DEUP1: variants seen among roughly 807,000 people sequenced by gnomAD.
The protein encoded by DEUP1 is deuterosome assembly protein 1, also known as coiled-coil domain containing 67.
A neutral mutation model predicts 87.4 loss-of-function variants in DEUP1; 82 were observed. The observed-to-expected ratio is 0.94, with a 90% confidence interval of 0.78 to 1.13. The LOEUF (loss-of-function observed/expected upper bound fraction) is 1.13, where lower values mean the gene tolerates loss of function less well. DEUP1 is among the 50% of genes most tolerant of loss of function. The probability of loss-of-function intolerance (pLI) is 0.00; values close to 1 mark genes in which losing one functional copy is unlikely to be tolerated. For missense variants in DEUP1, 663 were observed against 681.5 expected, an observed-to-expected ratio of 0.97 and a Z score of 0.30; for synonymous variants, 214 against 222.7, an observed-to-expected ratio of 0.96 and a Z score of 0.35.
chr11:93,428,137 C>T (rs1947988167), intron 13 of DEUP1, among the ~76,000 whole-genome samples: 1 of 152,100 alleles, frequency 6.6e-6, no homozygotes, highest in Non-Finnish European at 1.5e-5. Context: ...TATAAAGACA[C>T]ATGCACATGT....
At chr11:93,370,241 C>T (rs1945651504) in intron 6 of DEUP1, 55 bp downstream of exon 6, 1 of 917,050 alleles carries the variant, frequency 1.1e-6, no homozygotes. Context: ...ATATTGGTAT[C>T]TTTACCATTC....
intron 2 of DEUP1, among the ~76,000 whole-genome samples, chr11:93,335,851 A>C (rs1180350569): frequency 1.3e-5 from 2 of 152,208 alleles, no homozygotes; most frequent in Non-Finnish European, 2.9e-5. Flanking sequence ...GCAGTGGCTG[A>C]CGCCTGTAAT....
chr11:93,388,561 G>A (rs1946663300), intron 8 of DEUP1, among the ~76,000 whole-genome samples: 1 of 152,090 alleles, frequency 6.6e-6, no homozygotes, highest in African/African-American at 2.4e-5. Context: ...GTACTCTCTG[G>A]TTAGACTGTC....
At chr11:93,416,910 T>C (rs943158899) in intron 13 of DEUP1, among the ~76,000 whole-genome samples, 21 of 152,182 alleles carry the variant, frequency 1.4e-4, no homozygotes, top group African/African-American at 2.2e-4. Flanking sequence ...AGCATACAAA[T>C]GGGACCAAAG....
chr11:93,353,336 G>T (rs143459118), intron 2 of DEUP1, among the ~76,000 whole-genome samples: 2 of 152,160 alleles, frequency 1.3e-5, no homozygotes, highest in Admixed American at 6.5e-5. Flanking sequence ...GGGGAGCTCT[G>T]CCCCTGTGGC....
intron 11 of DEUP1, among the ~76,000 whole-genome samples, chr11:93,403,481 A>G (rs972119846): frequency 5.3e-5 from 8 of 151,920 alleles, no homozygotes; most frequent in African/African-American, 1.7e-4. Flanking sequence ...TACTAAAGGT[A>G]GTAATGTCCT....
intron 7 of DEUP1, among the ~76,000 whole-genome samples, chr11:93,378,064 C>T (rs866561277): frequency 3.8e-4 from 57 of 151,782 alleles, no homozygotes; most frequent in African/African-American, 1.3e-3. Context: ...GACTTTAGAT[C>T]ACCTGACGAC....
At position 93,415,115 on chromosome 11, in the gene DEUP1, G is replaced by C. The variant is rs780023042; in HGVS notation, c.1638+1G>C. Reference sequence around the variant, plus strand: ...TAGTGATGATGATGTATTCCCACTGGTGAGTTGCTGGTTGTGGGCTTTTTT... The same window carrying C: ...TAGTGATGATGATGTATTCCCACTGCTGAGTTGCTGGTTGTGGGCTTTTTT... On this transcript the variant is annotated splice_donor_variant, in intron 13 of 13. Transcript: ENST00000298050. LOFTEE classifies it high-confidence loss of function. 1.3e-6 allele frequency: 2 copies of C among 1,591,654 alleles called. No homozygotes were observed. Among genetic ancestry groups the C allele is most frequent in the Non-Finnish European group, 8.6e-7 (1 of 1,161,630 alleles).
intron 11 of DEUP1, among the ~76,000 whole-genome samples, chr11:93,403,372 G>A (rs1235573494): frequency 6.6e-6 from 1 of 151,696 alleles, no homozygotes; most frequent in East Asian, 1.9e-4. Flanking sequence ...TAGAGTACTT[G>A]GTATATCCAA....
intron 2 of DEUP1, among the ~76,000 whole-genome samples, chr11:93,341,629 A>T (rs1944084275): frequency 6.6e-6 from 1 of 152,182 alleles, no homozygotes; most frequent in Non-Finnish European, 1.5e-5. Context: ...CTAGGATTAT[A>T]GCAACTGTTA....
intron 7 of DEUP1, among the ~76,000 whole-genome samples, chr11:93,384,650 A>G (rs929981694): frequency 2.6e-5 from 4 of 152,222 alleles, no homozygotes; most frequent in African/African-American, 7.2e-5. Flanking sequence ...GTTGAATCAC[A>G]GTTTATAATT....
At chr11:93,431,944 T>G (rs1056189771) in intron 13 of DEUP1, among the ~76,000 whole-genome samples, 2 of 152,296 alleles carry the variant, frequency 1.3e-5, no homozygotes, top group Admixed American at 1.3e-4. Context: ...GGCATATAAG[T>G]TTAAAATGTT....
At chr11:93,339,491 A>G (rs1215300236) in intron 2 of DEUP1, among the ~76,000 whole-genome samples, 1 of 152,256 alleles carries the variant, frequency 6.6e-6, no homozygotes, top group Non-Finnish European at 1.5e-5. Flanking sequence ...AAATAAAAAG[A>G]TGAATCAACA....
chr11:93,384,747 T>A (rs1273614286), intron 7 of DEUP1, among the ~76,000 whole-genome samples: 1 of 152,240 alleles, frequency 6.6e-6, no homozygotes, highest in East Asian at 1.9e-4. Flanking sequence ...TAAAATTTCA[T>A]GCATTGTACT....
At chr11:93,335,974 G>A (rs1270870166) in intron 2 of DEUP1, among the ~76,000 whole-genome samples, 3 of 152,132 alleles carry the variant, frequency 2.0e-5, no homozygotes, top group Non-Finnish European at 4.4e-5. Context: ...TTAGCCTGGT[G>A]TGGTGGTGCA....
chr11:93,381,991 AT>A (rs1428041708), intron 7 of DEUP1, among the ~76,000 whole-genome samples: 1 of 152,150 alleles, frequency 6.6e-6, no homozygotes, highest in Non-Finnish European at 1.5e-5. Context: ...CTAAGTATTC[AT>A]CTGAAGTACC....
chr11:93,423,702 A>G (rs1947896745), intron 13 of DEUP1, among the ~76,000 whole-genome samples: 1 of 45,772 alleles, frequency 2.2e-5, no homozygotes, highest in Non-Finnish European at 5.0e-5. Flanking sequence ...AAAGCCGCTC[A>G]ACTACATGGA....
chr11:93,398,138 T>A (rs917378900), intron 11 of DEUP1, among the ~76,000 whole-genome samples: 1 of 152,144 alleles, frequency 6.6e-6, no homozygotes. Context: ...TTGGGGATTT[T>A]ATCATCTTTT....
chr11:93,353,076 T>A (rs1192039518), intron 2 of DEUP1, among the ~76,000 whole-genome samples: 1 of 152,106 alleles, frequency 6.6e-6, no homozygotes, highest in Non-Finnish European at 1.5e-5. Context: ...ACAAGGCAAG[T>A]CCCTTCTACC....
Sources: allele counts gnomAD v4.1 joint callset (sites outside exome capture counted in the v4.1 genomes callset), GRCh38; gene constraint gnomAD v4.1.1; transcripts MANE v1.5; gene names NCBI Gene and HGNC (gene_info 2026-07-23, HGNC 2026-07-21).